Variants in PDE1A observed in about 807,000 individuals in gnomAD.
PDE1A encodes dual specificity calcium/calmodulin-dependent 3',5'-cyclic nucleotide phosphodiesterase 1A.
A neutral mutation model predicts 61.7 loss-of-function variants in PDE1A; 35 were observed. That is an observed-to-expected ratio of 0.57 (90% CI 0.43 to 0.75). The LOEUF is 0.75. Ranked by LOEUF, PDE1A falls within the 30% of genes least tolerant of loss-of-function variation. The probability of loss-of-function intolerance (pLI) is 0.00; values close to 1 mark genes in which losing one functional copy is unlikely to be tolerated. For synonymous variants in PDE1A, 232 were observed against 213.2 expected (o/e 1.09, Z -0.77); for missense variants, 597 against 630.6 (o/e 0.95, Z 0.57).
At chr2:182,218,576 T>C (rs892118720) in intron 7 of PDE1A, among the ~76,000 whole-genome samples, 24 of 152,126 alleles carry the variant, frequency 1.6e-4, no homozygotes, top group Admixed American at 6.6e-5. Context: ...TCCACCCCAG[T>C]CCCTCATAAC....
chr2:182,321,288 A>G (rs1278838303), intron 1 of PDE1A, among the ~76,000 whole-genome samples: 2 of 152,278 alleles, frequency 1.3e-5, no homozygotes, highest in South Asian at 2.1e-4. Context: ...TTCAATTGGC[A>G]TACTTCTCTA....
At chr2:182,438,928 T>C (rs1224821865) in intron 2 of PDE1A, among the ~76,000 whole-genome samples, 1 of 151,916 alleles carries the variant, frequency 6.6e-6, no homozygotes, top group African/African-American at 2.4e-5. Context: ...GGGATATCAG[T>C]AAAAAGCATG....
chr2:182,552,439 G>GTTTTTTTTTTTTT, the PDE1A span, among the ~76,000 whole-genome samples: 1 of 122,892 alleles, frequency 8.1e-6, no homozygotes, highest in Non-Finnish European at 1.7e-5. Context: ...GCTACACAAA[G>GTTTTTTTTTTTTT]TTTTTTTTTT....
At chr2:182,179,528 G>T (rs1684565182) in intron 13 of PDE1A, among the ~76,000 whole-genome samples, 1 of 152,070 alleles carries the variant, frequency 6.6e-6, no homozygotes, top group Non-Finnish European at 1.5e-5. Flanking sequence ...TTAGCTCATG[G>T]GTGGGAGAGA....
chr2:182,420,027 GTATAA>G (rs3063102), intron 1 of PDE1A, among the ~76,000 whole-genome samples: 8,681 of 150,856 alleles, frequency 0.058, 794 homozygotes, highest in African/African-American at 0.2. Context: ...TATAATAGAA[GTATAA>G]TATAATTAAT....
At chr2:182,186,281 C>T (rs1685198288) in intron 12 of PDE1A, among the ~76,000 whole-genome samples, 187 bp downstream of exon 12, 1 of 152,136 alleles carries the variant, frequency 6.6e-6, no homozygotes, top group African/African-American at 2.4e-5. Flanking sequence ...CTTAGTATTT[C>T]ATATTTTGTG....
At position 182,213,213 on chromosome 2, in the gene PDE1A, G is replaced by C. The variant is rs577783839; in HGVS notation, c.777-7148C>G. 3.1e-3 allele frequency among the ~76,000 whole-genome samples: 466 copies of C among 149,390 alleles called. 2 individuals carry two copies. The highest frequency in any genetic ancestry group is 0.011 in the African/African-American group (453 of 40,488). ...AGACCTGCAGCTGAGGGTCCTGTCTGTTAGAAGGAAGACTAACAAACAGAA... is the reference window on the plus strand; with the variant it reads ...AGACCTGCAGCTGAGGGTCCTGTCTCTTAGAAGGAAGACTAACAAACAGAA... On this transcript the variant is annotated intron_variant, in intron 7 of 13. Coordinates refer to ENST00000351439, the Ensembl canonical transcript of PDE1A.
At chr2:182,232,386 T>C (rs1012004637) in intron 4 of PDE1A, among the ~76,000 whole-genome samples, 4 of 152,224 alleles carry the variant, frequency 2.6e-5, no homozygotes, top group African/African-American at 9.6e-5. Flanking sequence ...ATGCGTTAAT[T>C]TTCTATTTGA....
the PDE1A span, among the ~76,000 whole-genome samples, chr2:182,635,707 T>C: frequency 6.0e-5 from 9 of 150,690 alleles, no homozygotes; most frequent in African/African-American, 1.9e-4. Flanking sequence ...TCTCCACATA[T>C]GTGGAACTTC....
chr2:182,515,124 G>T (rs1690051875), intron 2 of PDE1A, among the ~76,000 whole-genome samples: 1 of 152,166 alleles, frequency 6.6e-6, no homozygotes, highest in Admixed American at 6.5e-5. Flanking sequence ...TATGAGGTAG[G>T]TATCAGTTTT....
chr2:182,537,043 A>T, the PDE1A span, among the ~76,000 whole-genome samples: 2 of 152,306 alleles, frequency 1.3e-5, no homozygotes, highest in East Asian at 3.9e-4. Flanking sequence ...ATATCATAAA[A>T]CACCCAGAGC....
At chr2:182,453,616 T>C (rs1382614323) in intron 2 of PDE1A, among the ~76,000 whole-genome samples, 1 of 151,982 alleles carries the variant, frequency 6.6e-6, no homozygotes, top group Non-Finnish European at 1.5e-5. Flanking sequence ...GGTCAACATA[T>C]GAAAATCAAT....
At chr2:182,593,548 T>C in the PDE1A span, among the ~76,000 whole-genome samples, 3 of 152,190 alleles carry the variant, frequency 2.0e-5, no homozygotes, top group African/African-American at 7.2e-5. Context: ...TCCCTCCTGA[T>C]GAGTCAGACC....
chr2:182,526,560 G>C (rs1245760625), upstream of PDE1A, among the ~76,000 whole-genome samples: 1 of 152,178 alleles, frequency 6.6e-6, no homozygotes, highest in Non-Finnish European at 1.5e-5. Flanking sequence ...TCTCAGCTTA[G>C]TCTCTAGGAG....
chr2:182,688,750 C>G, the PDE1A span, among the ~76,000 whole-genome samples: 1 of 152,264 alleles, frequency 6.6e-6, no homozygotes, highest in East Asian at 1.9e-4. Context: ...GATAAAGAGT[C>G]AAGACCCATC....
intron 2 of PDE1A, among the ~76,000 whole-genome samples, chr2:182,262,371 T>C (rs919265521): frequency 6.6e-6 from 1 of 152,088 alleles, no homozygotes; most frequent in African/African-American, 2.4e-5. Context: ...GCTCAAGTGA[T>C]CCTCCCACCT....
At chr2:182,201,073 A>G (rs1018925666) in intron 10 of PDE1A, among the ~76,000 whole-genome samples, 1 of 152,170 alleles carries the variant, frequency 6.6e-6, no homozygotes, top group Non-Finnish European at 1.5e-5. Flanking sequence ...AATTCTGGCC[A>G]ACAAGATTTA....
intron 1 of PDE1A, among the ~76,000 whole-genome samples, chr2:182,322,557 C>A (rs949725561): frequency 9.8e-5 from 15 of 152,290 alleles, no homozygotes; most frequent in Non-Finnish European, 2.1e-4. Flanking sequence ...CATTAAACCT[C>A]TTTTTCTTTA....
At chr2:182,221,927 A>C (rs2125599819) in intron 7 of PDE1A, among the ~76,000 whole-genome samples, 1 of 152,050 alleles carries the variant, frequency 6.6e-6, no homozygotes, top group South Asian at 2.1e-4. Flanking sequence ...TATACTGTGG[A>C]TCTCACTCAT....
Sources: gnomAD v4.1 joint callset for allele counts (sites outside exome capture counted in the v4.1 genomes callset) on GRCh38, gnomAD v4.1.1 for gene constraint, MANE v1.5 for transcripts, NCBI Gene and HGNC (gene_info 2026-07-23, HGNC 2026-07-21) for gene names.